Variants in ARL15 observed in about 807,000 individuals in gnomAD.
ARL15 encodes ADP-ribosylation factor-like protein 15.
ARL15 carries 19 observed loss-of-function variants against 25.2 expected under a neutral mutation model. That is an observed-to-expected ratio of 0.75 (90% CI 0.53 to 1.10). ARL15 has a LOEUF of 1.10. ARL15 is among the 50% of genes least tolerant of loss of function. ARL15 has a pLI of 0.00. For synonymous variants in ARL15, 94 were observed against 86.8 expected (o/e 1.08, Z -0.46); for missense variants, 220 against 246.0 (o/e 0.89, Z 0.71).
chr5:53,993,885 A>AT (rs913790069), intron 4 of ARL15, among the ~76,000 whole-genome samples: 15 of 152,150 alleles, frequency 9.9e-5, no homozygotes. Context: ...TAAGTGTGGC[A>AT]TTTTTTAATC....
chr5:54,171,748 AAAG>A (rs1358053097), intron 2 of ARL15, 33 bp downstream of exon 2: 3 of 1,574,430 alleles, frequency 1.9e-6, no homozygotes, highest in Non-Finnish European at 2.6e-6. Flanking sequence ...TTGGGATGAG[AAAG>A]AAGAAGGGAC....
intron 4 of ARL15, among the ~76,000 whole-genome samples, chr5:54,065,150 TAA>T (rs1423228482): frequency 6.6e-6 from 1 of 152,100 alleles, no homozygotes; most frequent in African/African-American, 2.4e-5. Context: ...AAATGCAAAA[TAA>T]AAGAGTTTTA....
chr5:53,909,567 G>T (rs563001923), intron 4 of ARL15, among the ~76,000 whole-genome samples: 11 of 152,252 alleles, frequency 7.2e-5, no homozygotes, highest in African/African-American at 2.4e-4. Context: ...TTAGCTGGGC[G>T]TGGTGGCGCA....
chr5:54,166,518 G>T (rs1754572507), intron 2 of ARL15, among the ~76,000 whole-genome samples: 1 of 151,992 alleles, frequency 6.6e-6, no homozygotes, highest in Non-Finnish European at 1.5e-5. Flanking sequence ...TGTTCCTTTT[G>T]TTTGGGGTTC....
intron 4 of ARL15, among the ~76,000 whole-genome samples, chr5:54,055,960 A>C (rs1299289562): frequency 6.6e-6 from 1 of 152,158 alleles, no homozygotes; most frequent in African/African-American, 2.4e-5. Context: ...AGTTACCAGA[A>C]TTTGACCAAC....
At chr5:54,003,338 GAGC>G (rs897233085) in intron 4 of ARL15, among the ~76,000 whole-genome samples, 3 of 152,126 alleles carry the variant, frequency 2.0e-5, no homozygotes, top group Admixed American at 2.0e-4. Context: ...AACCACACGT[GAGC>G]TGGGAACAAC....
At chr5:53,901,921 C>T (rs549261559) in intron 4 of ARL15, among the ~76,000 whole-genome samples, 9 of 152,248 alleles carry the variant, frequency 5.9e-5, no homozygotes, top group African/African-American at 1.9e-4. Context: ...TTTTGTGTTA[C>T]AGAAAACACG....
intron 4 of ARL15, among the ~76,000 whole-genome samples, chr5:53,891,260 G>C (rs1744699694): frequency 6.6e-6 from 1 of 152,132 alleles, no homozygotes. Context: ...TCCAGAAAGG[G>C]TTTACTTAGT....
chr5:54,049,649 G>A lies in ARL15; in HGVS notation c.462+63553C>T, dbSNP rs567325320. Among the ~76,000 whole-genome samples the A allele has an allele frequency of 3.3e-5, 5 of 152,196 alleles. No individual in the cohort carries two copies. The East Asian group carries it at 7.7e-4, about 24-fold the overall frequency. ...AGGGTCTCACCCTGTCACCCAGGCT[G>A]GAGTGCAGTGACACAATCTCGGCTC... On this transcript the variant is annotated intron_variant, in intron 4 of 4. Transcript: ENST00000504924.
Position 53,884,097 on chromosome 5 carries a change from G to A in ARL15, c.*2464C>T, listed in dbSNP as rs972153177. ...TTTTAATAGAAAGACAGGGCAATAT[G>A]GCAGTTAATTAGCAACCAATACTGT... is the stretch of plus-strand genomic sequence containing the variant. On this transcript the variant is annotated 3_prime_UTR_variant, in exon 5 of 5. Transcript: ENST00000504924. The A allele has an allele frequency of 2.6e-4, 40 of 152,006 alleles. No homozygotes were observed. Among genetic ancestry groups the A allele is most frequent in the Admixed American group, 1.2e-3 (19 of 15,256 alleles). 9.4% of individuals were successfully genotyped at this position (152,006 alleles called of 1,614,324 possible).
At chr5:53,892,497 T>C (rs1744748166) in intron 4 of ARL15, among the ~76,000 whole-genome samples, 1 of 152,196 alleles carries the variant, frequency 6.6e-6, no homozygotes, top group Admixed American at 6.5e-5. Context: ...TAAGTTTAAA[T>C]ACACAGTGTC....
chr5:53,918,484 T>C (rs2112007340), intron 4 of ARL15, among the ~76,000 whole-genome samples: 1 of 152,220 alleles, frequency 6.6e-6, no homozygotes, highest in African/African-American at 2.4e-5. Flanking sequence ...AAGTCACTGC[T>C]GCTAGCCGGA....
chr5:54,087,738 C>T (rs910919377), intron 4 of ARL15, among the ~76,000 whole-genome samples: 5 of 152,182 alleles, frequency 3.3e-5, no homozygotes, highest in African/African-American at 1.2e-4. Flanking sequence ...AACTAAATGG[C>T]TCCAAATATA....
intron 4 of ARL15, among the ~76,000 whole-genome samples, chr5:54,059,604 A>G (rs1294916266): frequency 6.6e-6 from 1 of 152,232 alleles, no homozygotes; most frequent in Non-Finnish European, 1.5e-5. Context: ...CTGGAAAGAT[A>G]TACACTAAAG....
intron 1 of ARL15, among the ~76,000 whole-genome samples, chr5:54,303,655 CA>C (rs749656181): frequency 3.5e-3 from 115 of 32,476 alleles, no homozygotes; most frequent in Middle Eastern, 0.023. Context: ...GAGACCCTGT[CA>C]AAAAAAAAAA....
At chr5:53,992,545 T>G (rs1748536358) in intron 4 of ARL15, among the ~76,000 whole-genome samples, 1 of 152,248 alleles carries the variant, frequency 6.6e-6, no homozygotes, top group South Asian at 2.1e-4. Flanking sequence ...AAATTTCACC[T>G]TTGCTTTCAC....
intron 4 of ARL15, among the ~76,000 whole-genome samples, chr5:54,055,409 G>A (rs1233435561): frequency 7.0e-6 from 1 of 142,816 alleles, no homozygotes; most frequent in Non-Finnish European, 1.5e-5. Context: ...CGCCCAGGCT[G>A]GAGTGCTGTG....
chr5:53,969,651 ATC>A (rs946217847), intron 4 of ARL15, among the ~76,000 whole-genome samples: 6 of 152,132 alleles, frequency 3.9e-5, no homozygotes, highest in African/African-American at 1.4e-4. Flanking sequence ...TTTTTAAAAA[ATC>A]TATTTCTGCT....
At chr5:54,264,680 C>T (rs1031862473) in intron 1 of ARL15, among the ~76,000 whole-genome samples, 1 of 152,120 alleles carries the variant, frequency 6.6e-6, no homozygotes, top group African/African-American at 2.4e-5. Flanking sequence ...GTCTTAGGAC[C>T]TTTGCATAGG....
Sources: allele counts gnomAD v4.1 joint callset (sites outside exome capture counted in the v4.1 genomes callset), GRCh38; gene constraint gnomAD v4.1.1; transcripts MANE v1.5; gene names NCBI Gene and HGNC (gene_info 2026-07-23, HGNC 2026-07-21).